Variants in VTA1 observed in about 807,000 individuals in gnomAD.
The protein encoded by VTA1 is vacuolar protein sorting-associated protein VTA1 homolog.
A neutral mutation model predicts 36.9 loss-of-function variants in VTA1; 24 were observed. The ratio of observed to expected loss-of-function variants is 0.65; its 90% CI spans 0.47 to 0.91. The LOEUF (loss-of-function observed/expected upper bound fraction) is 0.91. Ranked by LOEUF, VTA1 falls within the 40% of genes least tolerant of loss-of-function variation. VTA1 has a pLI of 0.00. For synonymous variants in VTA1, 142 were observed against 130.2 expected, an observed-to-expected ratio of 1.09 and a Z score of -0.62; for missense variants, 393 against 377.2, an observed-to-expected ratio of 1.04 and a Z score of -0.35.
At chr6:142,183,042 A>AG (rs889658039) in intron 4 of VTA1, among the ~76,000 whole-genome samples, 6 of 151,776 alleles carry the variant, frequency 4.0e-5, no homozygotes, top group African/African-American at 7.2e-5. Flanking sequence ...AGCAAGTGTA[A>AG]GGGGGGGCAT....
At chr6:142,166,430 C>G in intron 2 of VTA1, 108 bp downstream of exon 2, 2 of 759,636 alleles carry the variant, frequency 2.6e-6, no homozygotes, top group Non-Finnish European at 4.3e-6. Context: ...AACAATCAAA[C>G]AAAGCCATTA....
chr6:142,208,342 G>T (rs1372660193), intron 7 of VTA1, among the ~76,000 whole-genome samples: 1 of 151,768 alleles, frequency 6.6e-6, no homozygotes, highest in East Asian at 1.9e-4. Context: ...GTAAGCAGAA[G>T]AAAAAAATCA....
At chr6:142,179,026 CAAG>C (rs1250347937) in intron 4 of VTA1, among the ~76,000 whole-genome samples, 2 of 151,952 alleles carry the variant, frequency 1.3e-5, no homozygotes, top group African/African-American at 4.8e-5. Flanking sequence ...GTCAGTTCAT[CAAG>C]AAGACAATAC....
chr6:142,213,940 A>G (rs942901495), intron 7 of VTA1, among the ~76,000 whole-genome samples: 3 of 151,292 alleles, frequency 2.0e-5, no homozygotes, highest in South Asian at 4.2e-4. Flanking sequence ...TGAACATTCA[A>G]CTCCTCTTTA....
At chr6:142,200,148 G>C (rs145224601) in intron 6 of VTA1, among the ~76,000 whole-genome samples, 1 of 151,946 alleles carries the variant, frequency 6.6e-6, no homozygotes, top group Non-Finnish European at 1.5e-5. Context: ...TTAACTTCTC[G>C]TGACCTTAAT....
In VTA1 at chr6:142,147,374, G is replaced by T. The variant is rs1294657928; in HGVS notation, c.87G>T (p.Lys29Asn). 3.1e-6 allele frequency: 5 copies of T among 1,614,104 alleles called. No individual in the cohort carries two copies. Among genetic ancestry groups the T allele is most frequent in the Non-Finnish European group, 3.4e-6 (4 of 1,180,044 alleles). Residue 29 changes from lysine (K) to asparagine (N), a missense_variant, in exon 1 of 8, where the codon AAG (lysine) becomes AAT (asparagine). By Grantham distance (94) the Lys-to-Asn change is moderately conservative (BLOSUM62 0). Coordinates refer to ENST00000367630, the MANE Select transcript of VTA1 (RefSeq NM_016485.5). Reference sequence around the variant, plus strand: ...TGAGGACGGCTCAGGAGCATGACAAGCGAGACCCTGTGGTGGCTTATTACT... The same window carrying T: ...TGAGGACGGCTCAGGAGCATGACAATCGAGACCCTGTGGTGGCTTATTACT... The part of the protein sequence containing the change: ...HHLRTAQEHD[K>N]RDPVVAYYCR...
At chr6:142,161,067 GCTTC>G (rs1774796077) in intron 1 of VTA1, among the ~76,000 whole-genome samples, 1 of 135,592 alleles carries the variant, frequency 7.4e-6, no homozygotes, top group Non-Finnish European at 1.5e-5. Context: ...ATTCATTCAT[GCTTC>G]CTTCCTTCCC....
chr6:142,181,917 CT>C (rs1775249090), intron 4 of VTA1, among the ~76,000 whole-genome samples: 1 of 152,150 alleles, frequency 6.6e-6, no homozygotes, highest in South Asian at 2.1e-4. Flanking sequence ...TAATCTGTGA[CT>C]ATAAATATTT....
chr6:142,224,351 G>A lies in VTA1; in HGVS notation c.*5708G>A, dbSNP rs982568143. On this transcript the variant is annotated 3_prime_UTR_variant, in exon 8 of 8. Transcript: ENST00000367630. ...GGGGATATTCGGAGTCCTCTGAGAC[G>A]GGACAAGGACACTGGACGGTCTATT... The A allele has an allele frequency of 3.9e-5, 6 of 152,162 alleles. No homozygotes were observed. Among genetic ancestry groups the A allele is most frequent in the South Asian group, 2.1e-4 (1 of 4,824 alleles). The allele number at this position is 152,162 out of a possible 1,614,324, so 9.4% of individuals were successfully genotyped here. A position where few individuals can be genotyped will look rare whatever the true frequency, so the allele number is the denominator to read the frequency against.
intron 7 of VTA1, among the ~76,000 whole-genome samples, chr6:142,214,602 C>A (rs377276066): frequency 9.8e-5 from 15 of 152,308 alleles, no homozygotes; most frequent in African/African-American, 3.4e-4. Flanking sequence ...CCATATCACA[C>A]TGTAACAATA....
At chr6:142,153,118 C>CT (rs1050210409) in intron 1 of VTA1, among the ~76,000 whole-genome samples, 2 of 151,926 alleles carry the variant, frequency 1.3e-5, no homozygotes. Context: ...TTATCTTTTT[C>CT]TTTTTTTACC....
At chr6:142,173,758 T>C (rs1322785702) in intron 4 of VTA1, among the ~76,000 whole-genome samples, 1 of 152,194 alleles carries the variant, frequency 6.6e-6, no homozygotes, top group Non-Finnish European at 1.5e-5. Context: ...AGGAGAATAA[T>C]CTAGGTTTAC....
At chr6:142,181,459 A>ATATATATG (rs903438662) in intron 4 of VTA1, among the ~76,000 whole-genome samples, 1 of 146,818 alleles carries the variant, frequency 6.8e-6, no homozygotes, top group Non-Finnish European at 1.5e-5. Context: ...TATATTTTAT[A>ATATATATG]TATATATATA....
intron 7 of VTA1, among the ~76,000 whole-genome samples, chr6:142,208,303 T>C (rs969593742): frequency 2.6e-5 from 4 of 152,068 alleles, no homozygotes; most frequent in African/African-American, 9.7e-5. Flanking sequence ...ACTGGAGAAC[T>C]CTTTTGAGGC....
intron 7 of VTA1, among the ~76,000 whole-genome samples, chr6:142,205,798 A>G (rs1775780424): frequency 6.6e-6 from 1 of 152,140 alleles, no homozygotes; most frequent in South Asian, 2.1e-4. Context: ...GAATCCTGCC[A>G]GTAAGAAAAA....
chr6:142,192,248 T>C (rs975731615), intron 5 of VTA1, among the ~76,000 whole-genome samples: 2 of 152,092 alleles, frequency 1.3e-5, no homozygotes, highest in Admixed American at 6.5e-5. Context: ...ACAGTATTTA[T>C]TAAATTATAT....
chr6:142,173,419 C>T (rs527831025), intron 4 of VTA1, among the ~76,000 whole-genome samples: 17 of 152,278 alleles, frequency 1.1e-4, no homozygotes, highest in African/African-American at 4.1e-4. Flanking sequence ...TACAGGCGTG[C>T]GCCACCATGC....
intron 7 of VTA1, among the ~76,000 whole-genome samples, chr6:142,213,516 G>A (rs1654469642): frequency 6.6e-6 from 1 of 152,252 alleles, no homozygotes; most frequent in Admixed American, 6.5e-5. Flanking sequence ...GCCCCAGTGG[G>A]CATGCTGCAT....
intron 2 of VTA1, among the ~76,000 whole-genome samples, chr6:142,166,691 G>A (rs185608818): frequency 2.0e-5 from 3 of 151,606 alleles, no homozygotes; most frequent in East Asian, 1.9e-4. Flanking sequence ...GTGATCTCTC[G>A]GCTTGCTGCA....
Sources: allele counts gnomAD v4.1 joint callset (sites outside exome capture counted in the v4.1 genomes callset), GRCh38; gene constraint gnomAD v4.1.1; transcripts MANE v1.5; gene names NCBI Gene and HGNC (gene_info 2026-07-23, HGNC 2026-07-21).